The following UBE2E2 variants were observed in gnomAD, a reference collection of about 807,000 sequenced individuals.
UBE2E2 encodes the protein ubiquitin conjugating enzyme E2 E2, also known as ubiquitin-conjugating enzyme E2 E2.
A neutral mutation model predicts 24.7 loss-of-function variants in UBE2E2; 6 were observed. The ratio of observed to expected loss-of-function variants is 0.24; its 90% CI spans 0.13 to 0.48. The LOEUF (loss-of-function observed/expected upper bound fraction) is 0.48, where lower values mean the gene tolerates loss of function less well. Among genes scored for constraint, UBE2E2 ranks in the 20% least tolerant of loss-of-function variants. UBE2E2 has a pLI of 0.99. For synonymous variants in UBE2E2, 104 were observed against 83.6 expected, an observed-to-expected ratio of 1.24 and a Z score of -1.33; for missense variants, 169 against 245.0, an observed-to-expected ratio of 0.69 and a Z score of 2.07.
chr3:23,254,042 A>G (rs1697649855), intron 3 of UBE2E2, among the ~76,000 whole-genome samples: 1 of 152,238 alleles, frequency 6.6e-6, no homozygotes, highest in Non-Finnish European at 1.5e-5. Context: ...GAACTACACT[A>G]AAAAGAAATG....
At position 23,514,064 on chromosome 3, in the gene UBE2E2, C is replaced by T. The variant is rs117109033; in HGVS notation, c.360+14324C>T. On this transcript the variant is annotated intron_variant, in intron 4 of 5. Coordinates refer to ENST00000396703, the MANE Select transcript of UBE2E2 (RefSeq NM_152653.4). ...AACTTCTTTGTCTTACAAGGCCCTACGTGATCTCTCTGCCTGCCTCATCAC... is the reference window on the plus strand; with the variant it reads ...AACTTCTTTGTCTTACAAGGCCCTATGTGATCTCTCTGCCTGCCTCATCAC... Among the ~76,000 whole-genome samples the T allele has an allele frequency of 4.8e-4, 73 of 152,354 alleles. 2 individuals are homozygous for T. In the East Asian group the frequency reaches 0.013, roughly 27 times the overall value.
At chr3:23,387,643 TA>T (rs1444920343) in intron 3 of UBE2E2, among the ~76,000 whole-genome samples, 1 of 152,158 alleles carries the variant, frequency 6.6e-6, no homozygotes, top group East Asian at 1.9e-4. Context: ...CATCTTTAAT[TA>T]TTTGTGTGTG....
At chr3:23,466,343 T>G (rs1698918605) in intron 3 of UBE2E2, among the ~76,000 whole-genome samples, 1 of 152,230 alleles carries the variant, frequency 6.6e-6, no homozygotes, top group Non-Finnish European at 1.5e-5. Flanking sequence ...CGCATGATGA[T>G]CTCAGCACTA....
At chr3:23,217,637 T>A (rs1410820186) in intron 3 of UBE2E2, among the ~76,000 whole-genome samples, 1 of 152,124 alleles carries the variant, frequency 6.6e-6, no homozygotes, top group African/African-American at 2.4e-5. Flanking sequence ...TTTTTAATGA[T>A]AGAATAATAG....
At chr3:23,585,067 A>G (rs1367310937) in intron 5 of UBE2E2, among the ~76,000 whole-genome samples, 1 of 152,078 alleles carries the variant, frequency 6.6e-6, no homozygotes, top group African/African-American at 2.4e-5. Flanking sequence ...TATGACTGGT[A>G]TTTTGTTAAC....
intron 3 of UBE2E2, among the ~76,000 whole-genome samples, chr3:23,348,895 A>G (rs143765379): frequency 6.6e-6 from 1 of 152,160 alleles, no homozygotes; most frequent in Admixed American, 6.5e-5. Context: ...TGAATAAAGG[A>G]TGAAGGACAA....
At chr3:23,582,074 G>A (rs7628135) in intron 5 of UBE2E2, among the ~76,000 whole-genome samples, 47,934 of 151,976 alleles carry the variant, frequency 0.32, 8,410 homozygotes, top group East Asian at 0.49. Context: ...CCCTCAAGTA[G>A]GCCATGGTAT....
chr3:23,404,849 C>T (rs1239091588), intron 3 of UBE2E2, among the ~76,000 whole-genome samples: 1 of 152,172 alleles, frequency 6.6e-6, no homozygotes, highest in Non-Finnish European at 1.5e-5. Context: ...CTTTTCTGCA[C>T]TGTCAAATTA....
rs192523912 is a variant in UBE2E2 at position 23,402,845 on chromosome 3, A to G, written c.228-96763A>G. Among the ~76,000 whole-genome samples the G allele has an allele frequency of 9.6e-4, 146 of 152,308 alleles. 4 individuals carry two copies. The highest frequency in any genetic ancestry group is 3.3e-3 in the African/African-American group (136 of 41,566). On this transcript the variant is annotated intron_variant, in intron 3 of 5. Transcript: ENST00000396703. ...TCACTTGAATACTTAGGAAAAGTCT[A>G]TGGCTTTGATCTGATGCCTGTTTGG...
intron 3 of UBE2E2, among the ~76,000 whole-genome samples, chr3:23,240,458 T>C (rs1298119528): frequency 6.6e-6 from 1 of 152,198 alleles, no homozygotes; most frequent in East Asian, 1.9e-4. Context: ...CTATCAATAC[T>C]CAGTTCTGGT....
At chr3:23,480,726 A>C (rs2173461) in intron 3 of UBE2E2, among the ~76,000 whole-genome samples, 15,350 of 152,270 alleles carry the variant, frequency 0.1, 1,279 homozygotes, top group Admixed American at 0.26. Flanking sequence ...TGCTTAGTAC[A>C]GAAAAAGGAT....
chr3:23,473,010 T>A (rs931744879), intron 3 of UBE2E2, among the ~76,000 whole-genome samples: 2 of 152,094 alleles, frequency 1.3e-5, no homozygotes, highest in African/African-American at 4.8e-5. Flanking sequence ...ATCTATTTTC[T>A]TTGTGATACT....
chr3:23,312,043 A>G (rs1302733682), intron 3 of UBE2E2, among the ~76,000 whole-genome samples: 1 of 152,080 alleles, frequency 6.6e-6, no homozygotes, highest in African/African-American at 2.4e-5. Context: ...CATGATAGTG[A>G]GTGAGTTCTT....
At chr3:23,221,069 G>T (rs1306057797) in intron 3 of UBE2E2, among the ~76,000 whole-genome samples, 2 of 152,174 alleles carry the variant, frequency 1.3e-5, no homozygotes, top group Non-Finnish European at 2.9e-5. Flanking sequence ...TTAGGTTTAC[G>T]AGCAGGGGAA....
intron 3 of UBE2E2, among the ~76,000 whole-genome samples, chr3:23,315,908 T>C (rs1694563604): frequency 6.6e-6 from 1 of 152,166 alleles, no homozygotes; most frequent in Admixed American, 6.5e-5. Flanking sequence ...TGTTAAGATC[T>C]GGAGGAATTC....
At chr3:23,495,544 T>C (rs1440133468) in intron 3 of UBE2E2, among the ~76,000 whole-genome samples, 24 of 152,252 alleles carry the variant, frequency 1.6e-4, no homozygotes, top group Admixed American at 1.5e-3. Context: ...GTGTGTACTT[T>C]TTAACTGAAT....
intron 5 of UBE2E2, among the ~76,000 whole-genome samples, chr3:23,539,037 T>C (rs1695329474): frequency 6.6e-6 from 1 of 152,170 alleles, no homozygotes; most frequent in African/African-American, 2.4e-5. Flanking sequence ...ATTGTAGGCT[T>C]AGATCTTGGA....
At chr3:23,410,437 G>C (rs1428930217) in intron 3 of UBE2E2, among the ~76,000 whole-genome samples, 1 of 152,152 alleles carries the variant, frequency 6.6e-6, no homozygotes, top group Non-Finnish European at 1.5e-5. Flanking sequence ...TAAAGATAGA[G>C]TGAGAGAGAA....
intron 3 of UBE2E2, among the ~76,000 whole-genome samples, chr3:23,387,905 C>T (rs577550746): frequency 9.2e-5 from 14 of 152,194 alleles, no homozygotes; most frequent in African/African-American, 3.1e-4. Flanking sequence ...CTAGAATTGT[C>T]TTTCAATGTG....
Sources: gnomAD v4.1 joint callset for allele counts (sites outside exome capture counted in the v4.1 genomes callset) on GRCh38, gnomAD v4.1.1 for gene constraint, MANE v1.5 for transcripts, NCBI Gene and HGNC (gene_info 2026-07-23, HGNC 2026-07-21) for gene names.